Variants in ITGB3BP observed in about 807,000 individuals in gnomAD.
ITGB3BP encodes the protein centromere protein R.
In ITGB3BP, 27 loss-of-function variants were observed where a neutral mutation model predicts 29.1. The observed-to-expected ratio is 0.93, with a 90% CI of 0.68 to 1.28. The LOEUF is 1.28. Among genes scored for constraint, ITGB3BP ranks in the 50% most tolerant of loss-of-function variants. The pLI, the probability that ITGB3BP is intolerant of heterozygous loss-of-function variation, is 0.00. For synonymous variants in ITGB3BP, 61 were observed against 61.4 expected (o/e 0.99, Z 0.03); for missense variants, 192 against 200.2 (o/e 0.96, Z 0.25).
At chr1:63,472,686 G>A (rs1196284015) in intron 4 of ITGB3BP, among the ~76,000 whole-genome samples, 6 of 150,418 alleles carry the variant, frequency 4.0e-5, no homozygotes, top group East Asian at 2.0e-4. Flanking sequence ...TGTGTTGGCC[G>A]GGCTGGTCTC....
chr1:63,490,160 G>A lies in ITGB3BP; in HGVS notation c.107C>T (p.Thr36Ile). Residue 36 changes from threonine (T) to isoleucine (I), a missense_variant, in exon 3 of 9, where the codon ACT (threonine) becomes ATT (isoleucine). Transcript: ENST00000271002. ...KKSVITYSPT[T>I]GTCQMSLFAS... is the part of the protein sequence containing the mutation. ...AAATAGACTCATTTGACAAGTTCCA[G>A]TTGTTGGAGAATAAGTTATAACACT... 1 of 1,600,640 alleles carries A rather than the reference G, an allele frequency of 6.2e-7. No individual in the cohort carries two copies. Among genetic ancestry groups the A allele is most frequent in the Non-Finnish European group, 8.6e-7 (1 of 1,168,656 alleles).
chr1:63,468,677 C>A (rs1211770544), intron 4 of ITGB3BP, among the ~76,000 whole-genome samples: 2 of 151,992 alleles, frequency 1.3e-5, no homozygotes, highest in African/African-American at 4.8e-5. Context: ...GCCTGACCAA[C>A]ATGGAGAAAC....
chr1:63,511,698 A>T (rs150385223), intron 1 of ITGB3BP, among the ~76,000 whole-genome samples: 1 of 152,308 alleles, frequency 6.6e-6, no homozygotes, highest in African/African-American at 2.4e-5. Context: ...CAAAAGGACA[A>T]ATATTGTATT....
chr1:63,521,464 T>G (rs1646443015), intron 1 of ITGB3BP, among the ~76,000 whole-genome samples: 1 of 152,184 alleles, frequency 6.6e-6, no homozygotes, highest in South Asian at 2.1e-4. Context: ...TGTGTATTTA[T>G]TACCAGAATA....
intron 7 of ITGB3BP, among the ~76,000 whole-genome samples, chr1:63,452,791 C>T (rs2100497418): frequency 6.6e-6 from 1 of 152,212 alleles, no homozygotes; most frequent in East Asian, 1.9e-4. Flanking sequence ...GGAGTCTTGC[C>T]ATGGCTGCAG....
At chr1:63,526,913 C>T (rs1314695218), upstream of ITGB3BP, among the ~76,000 whole-genome samples, 2 of 152,098 alleles carry the variant, frequency 1.3e-5, no homozygotes, top group Admixed American at 6.6e-5. Flanking sequence ...TACAGTTGCA[C>T]GCCACCATGC....
At chr1:63,446,335 T>C (rs6663725) in intron 8 of ITGB3BP, among the ~76,000 whole-genome samples, 1,896 of 152,334 alleles carry the variant, frequency 0.012, 31 homozygotes, top group African/African-American at 0.043. Context: ...GCTGAATCAA[T>C]AGGAATTGTT....
At chr1:63,525,799 G>T, upstream of ITGB3BP, 1 of 1,380,996 alleles carries the variant, frequency 7.2e-7, no homozygotes, top group South Asian at 1.4e-5. Flanking sequence ...CCTTTTTGTT[G>T]AAAGTTAATA....
chr1:63,479,628 CA>C (rs1449738932), intron 3 of ITGB3BP, among the ~76,000 whole-genome samples: 3 of 152,060 alleles, frequency 2.0e-5, no homozygotes, highest in Admixed American at 6.6e-5. Flanking sequence ...ACTTGGTAGT[CA>C]CCATTCTATT....
At chr1:63,493,088 A>ACACACACACGCGCGCG (rs372348238) in intron 2 of ITGB3BP, among the ~76,000 whole-genome samples, 1 of 148,726 alleles carries the variant, frequency 6.7e-6, no homozygotes, top group Admixed American at 6.7e-5. Flanking sequence ...ACACACACAC[A>ACACACACACGCGCGCG]CGCGCGCGCG....
chr1:63,481,034 C>A (rs1310256856), intron 3 of ITGB3BP, among the ~76,000 whole-genome samples: 1 of 152,070 alleles, frequency 6.6e-6, no homozygotes, highest in Non-Finnish European at 1.5e-5. Context: ...TTGTACTATG[C>A]TGTTTGCATT....
intron 3 of ITGB3BP, among the ~76,000 whole-genome samples, chr1:63,486,186 AAGT>A (rs1253166966): frequency 1.3e-5 from 2 of 152,060 alleles, no homozygotes; most frequent in Non-Finnish European, 1.5e-5. Flanking sequence ...TCCAGTTAAC[AAGT>A]ACTCTCTTCG....
At chr1:63,484,529 T>C (rs762971073) in intron 3 of ITGB3BP, among the ~76,000 whole-genome samples, 2 of 152,156 alleles carry the variant, frequency 1.3e-5, no homozygotes, top group Non-Finnish European at 2.9e-5. Context: ...TTTCTTGGTT[T>C]CCAAACATAC....
chr1:63,495,952 C>G (rs1360608413), intron 2 of ITGB3BP, among the ~76,000 whole-genome samples: 1 of 152,112 alleles, frequency 6.6e-6, no homozygotes, highest in Non-Finnish European at 1.5e-5. Flanking sequence ...TTCCATGTGT[C>G]TACTCATAAC....
intron 4 of ITGB3BP, among the ~76,000 whole-genome samples, chr1:63,471,344 C>A (rs1487692459): frequency 1.3e-5 from 2 of 148,752 alleles, no homozygotes; most frequent in African/African-American, 5.0e-5. Context: ...CGGCTCACTG[C>A]AAGTTCACGC....
At chr1:63,455,876 T>G (rs574341801) in intron 4 of ITGB3BP, among the ~76,000 whole-genome samples, 1 of 108,416 alleles carries the variant, frequency 9.2e-6, no homozygotes, top group Non-Finnish European at 1.9e-5. Context: ...TAAATTTTCT[T>G]TAATAATTTT....
chr1:63,476,883 T>C (rs979558464), intron 4 of ITGB3BP, among the ~76,000 whole-genome samples: 33 of 152,254 alleles, frequency 2.2e-4, no homozygotes, highest in Non-Finnish European at 4.4e-4. Context: ...ATTTGAACTT[T>C]TTCCTGTGTA....
At chr1:63,447,099 C>T (rs1347001335) in intron 7 of ITGB3BP, 3 of 472,232 alleles carry the variant, frequency 6.4e-6, no homozygotes, top group African/African-American at 5.9e-5. Flanking sequence ...TATTACAATA[C>T]ATGCTTATTA....
intron 2 of ITGB3BP, among the ~76,000 whole-genome samples, chr1:63,492,965 G>A (rs533535214): frequency 9.9e-5 from 15 of 151,914 alleles, no homozygotes; most frequent in Admixed American, 2.6e-4. Context: ...CAAAAAATTA[G>A]CTGGGCATAG....
Sources: allele counts gnomAD v4.1 joint callset (sites outside exome capture counted in the v4.1 genomes callset), GRCh38; gene constraint gnomAD v4.1.1; transcripts MANE v1.5; gene names NCBI Gene and HGNC (gene_info 2026-07-23, HGNC 2026-07-21).